Variants in CHKA observed in about 807,000 individuals in gnomAD.
The protein encoded by CHKA is CHETK-alpha.
In CHKA, 34 loss-of-function variants were observed where a neutral mutation model predicts 60.1. The ratio of observed to expected loss-of-function variants is 0.57; its 90% CI spans 0.43 to 0.75. The LOEUF (loss-of-function observed/expected upper bound fraction) is 0.75. CHKA is among the 30% of genes least tolerant of loss of function. CHKA has a pLI of 0.00. For missense variants in CHKA, 563 were observed against 561.3 expected (o/e 1.00, Z -0.03); for synonymous variants, 217 against 223.1 (o/e 0.97, Z 0.24).
intron 1 of CHKA, among the ~76,000 whole-genome samples, chr11:68,119,622 A>C (rs1211714518): frequency 6.6e-6 from 1 of 152,126 alleles, no homozygotes; most frequent in Non-Finnish European, 1.5e-5. Flanking sequence ...GGTGTGCGCC[A>C]CCATGCCCAG....
Position 68,053,910 on chromosome 11 carries a change from G to A in CHKA, c.*78C>T, listed in dbSNP as rs1259921566. 8.2e-6 allele frequency: 10 copies of A among 1,221,552 alleles called. No homozygotes were observed. Among genetic ancestry groups the A allele is most frequent in the East Asian group, 2.4e-5 (1 of 41,556 alleles). 75.7% of individuals were successfully genotyped at this position (1,221,552 alleles called of 1,614,324 possible). A position where few individuals can be genotyped will look rare whatever the true frequency, so the allele number is the denominator to read the frequency against. ...AAAGCCTCCTGCCACAGGAGCAGTA[G>A]TCGAAGCACAGAGGGGACCCCGCTC... On this transcript the variant is annotated 3_prime_UTR_variant, in exon 12 of 12. Coordinates refer to ENST00000265689, the MANE Select transcript of CHKA (RefSeq NM_001277.3).
At chr11:68,076,050 A>G (rs1856775516) in intron 3 of CHKA, among the ~76,000 whole-genome samples, 1 of 152,250 alleles carries the variant, frequency 6.6e-6, no homozygotes, top group Admixed American at 6.5e-5. Flanking sequence ...AGCTACTTCC[A>G]AAGGATATCA....
intron 3 of CHKA, among the ~76,000 whole-genome samples, chr11:68,076,868 C>T (rs184662576): frequency 1.3e-3 from 192 of 152,156 alleles, no homozygotes; most frequent in African/African-American, 4.3e-3. Context: ...CTTATTCTTA[C>T]GTAATACTGT....
chr11:68,055,262 C>T (rs998785105), intron 11 of CHKA, among the ~76,000 whole-genome samples: 26 of 152,050 alleles, frequency 1.7e-4, no homozygotes, highest in African/African-American at 6.0e-4. Flanking sequence ...CGGTGGCGGG[C>T]GCCTGTAATC....
chr11:68,109,086 CTTTTTTT>C (rs1040771984), intron 1 of CHKA, among the ~76,000 whole-genome samples: 10 of 130,600 alleles, frequency 7.7e-5, no homozygotes, highest in African/African-American at 2.6e-4. Context: ...TTTTCTTTTC[CTTTTTTT>C]TTTTTTTTTT....
intron 1 of CHKA, among the ~76,000 whole-genome samples, chr11:68,113,282 A>G (rs903314694): frequency 1.1e-4 from 16 of 151,994 alleles, no homozygotes; most frequent in African/African-American, 3.9e-4. Context: ...CCAGTTTCTT[A>G]AAAAAATAAA....
intron 2 of CHKA, among the ~76,000 whole-genome samples, chr11:68,087,385 G>A (rs1324512062): frequency 2.6e-5 from 4 of 152,120 alleles, no homozygotes; most frequent in South Asian, 2.1e-4. Context: ...GGAAGGCTGA[G>A]GCGGGAGAAT....
chr11:68,080,447 A>G (rs980485577), intron 3 of CHKA, among the ~76,000 whole-genome samples: 2 of 152,036 alleles, frequency 1.3e-5, no homozygotes, highest in Non-Finnish European at 2.9e-5. Flanking sequence ...TCCCAGGTTC[A>G]AGTAATTCTC....
intron 3 of CHKA, among the ~76,000 whole-genome samples, chr11:68,077,287 T>A (rs1248546587): frequency 6.6e-6 from 1 of 151,932 alleles, no homozygotes; most frequent in Non-Finnish European, 1.5e-5. Context: ...GCAAGAAAAA[T>A]GACAGGTTAA....
chr11:68,100,604 CATAAATAAATAA>C (rs71461687), intron 1 of CHKA, among the ~76,000 whole-genome samples: 7 of 65,456 alleles, frequency 1.1e-4, no homozygotes, highest in Non-Finnish European at 2.9e-4. Flanking sequence ...TAAATAAATA[CATAAATAAATAA>C]ATAAATAAAT....
At chr11:68,118,817 TAAC>T (rs1225539249) in intron 1 of CHKA, among the ~76,000 whole-genome samples, 2 of 152,226 alleles carry the variant, frequency 1.3e-5, no homozygotes, top group Non-Finnish European at 2.9e-5. Context: ...GCTTTCCTAA[TAAC>T]TGGTTTGAGC....
At chr11:68,070,155 A>G (rs1481995659) in intron 6 of CHKA, 34 bp downstream of exon 6, 7 of 1,456,046 alleles carry the variant, frequency 4.8e-6, no homozygotes, top group South Asian at 2.3e-5. Flanking sequence ...GTGACTAAGA[A>G]TATTTAAAGT....
intron 1 of CHKA, among the ~76,000 whole-genome samples, chr11:68,102,113 G>GA (rs1469346002): frequency 3.7e-5 from 4 of 108,196 alleles, no homozygotes; most frequent in Non-Finnish European, 4.5e-5. Flanking sequence ...AAAAAAAAAA[G>GA]AAAAAAAAAA....
intron 11 of CHKA, among the ~76,000 whole-genome samples, chr11:68,055,922 C>T (rs1855999497): frequency 6.6e-6 from 1 of 151,812 alleles, no homozygotes; most frequent in Non-Finnish European, 1.5e-5. Flanking sequence ...GTGGTGGGCT[C>T]CTGTAATCCC....
At chr11:68,080,677 A>G (rs1398591700) in intron 3 of CHKA, among the ~76,000 whole-genome samples, 1 of 152,208 alleles carries the variant, frequency 6.6e-6, no homozygotes, top group East Asian at 1.9e-4. Flanking sequence ...ATCAATATAC[A>G]ATTGGTAAAA....
intron 1 of CHKA, 44 bp from the exon 2 acceptor site, chr11:68,097,174 G>T: frequency 7.0e-7 from 1 of 1,431,256 alleles, no homozygotes; most frequent in Non-Finnish European, 9.8e-7. Context: ...TTGCAGGTGA[G>T]CTAAATCACT....
rs1281633307 is a variant in CHKA at position 68,053,826 on chromosome 11, T to C, written c.*162A>G. The C allele has an allele frequency of 5.6e-6, 3 of 531,452 alleles. No individual in the cohort carries two copies. The highest frequency in any genetic ancestry group is 1.0e-5 in the Non-Finnish European group (3 of 294,738). The allele number at this position is 531,452 out of a possible 1,614,324, so 32.9% of individuals were successfully genotyped here. A position where few individuals can be genotyped will look rare whatever the true frequency, so the allele number is the denominator to read the frequency against. ...TCGTAAACAAGAGATGAAATAAACGTCGCTCCATTTTAATACCGTCTTTAG... is the reference window on the plus strand; with the variant it reads ...TCGTAAACAAGAGATGAAATAAACGCCGCTCCATTTTAATACCGTCTTTAG... On this transcript the variant is annotated 3_prime_UTR_variant, in exon 12 of 12. Transcript: ENST00000265689.
chr11:68,100,937 CTTTTTTTTTTTTTTTTT>C (rs758101816), intron 1 of CHKA, among the ~76,000 whole-genome samples: 2 of 78,212 alleles, frequency 2.6e-5, no homozygotes, highest in African/African-American at 5.9e-5. Flanking sequence ...TAAAGAGGTT[CTTTTTTTTTTTTTTTTT>C]TTTTTTTTTT....
intron 1 of CHKA, among the ~76,000 whole-genome samples, chr11:68,118,780 G>A (rs529594858): frequency 1.3e-5 from 2 of 152,320 alleles, no homozygotes; most frequent in South Asian, 2.1e-4. Context: ...GCTAACTCCT[G>A]GAGAAAAGAA....
Sources: gnomAD v4.1 joint callset for allele counts (sites outside exome capture counted in the v4.1 genomes callset) on GRCh38, gnomAD v4.1.1 for gene constraint, MANE v1.5 for transcripts, NCBI Gene and HGNC (gene_info 2026-07-23, HGNC 2026-07-21) for gene names.